The following CDYL2 variants were observed in gnomAD, a reference collection of about 807,000 sequenced individuals.
The protein encoded by CDYL2 is chromodomain Y like 2, also known as chromodomain Y-like protein 2.
In CDYL2, 23 loss-of-function variants were observed where a neutral mutation model predicts 49.4. The ratio of observed to expected loss-of-function variants is 0.47; its 90% CI spans 0.34 to 0.66. The LOEUF (loss-of-function observed/expected upper bound fraction) is 0.66, where lower values mean the gene tolerates loss of function less well. Ranked by LOEUF, CDYL2 falls within the 30% of genes least tolerant of loss-of-function variation. The pLI, the probability that CDYL2 is intolerant of heterozygous loss-of-function variation, is 0.01. For missense variants in CDYL2, 678 were observed against 656.4 expected (o/e 1.03, Z -0.36); for synonymous variants, 360 against 268.8 (o/e 1.34, Z -3.32).
rs780760548 is a variant in CDYL2 at position 80,612,579 on chromosome 16, G to A, written c.1218+47C>T. ...GAAGAGCCCCTAAACCCAAGGCAGA[G>A]GAAGGATCCTGCTGGGACCCGAATC... On this transcript the variant is annotated intron_variant, in intron 5 of 6. Coordinates refer to ENST00000570137, the MANE Select transcript of CDYL2 (RefSeq NM_152342.4). This position sits in a 1 kb window ranked among gnomAD's most constrained non-coding sequence, Gnocchi z 5.0. The A allele has an allele frequency of 2.6e-6, 4 of 1,536,790 alleles. No homozygotes were observed. Among genetic ancestry groups the A allele is most frequent in the South Asian group, 1.3e-5 (1 of 79,682 alleles).
In CDYL2 at chr16:80,629,135, TA is replaced by T. The variant is rs1373719663; in HGVS notation, c.834+3883del. Among the ~76,000 whole-genome samples the T allele has an allele frequency of 3.9e-5, 6 of 152,152 alleles. No homozygotes were observed. In the East Asian group the frequency reaches 1.2e-3, roughly 29 times the overall value. On this transcript the variant is annotated intron_variant, in intron 3 of 6. Coordinates refer to ENST00000570137, the MANE Select transcript of CDYL2 (RefSeq NM_152342.4). ...TGAGGGTTCTGACTGTCAGCCAGGGTAATCAGGAGCCATCGACACATTTGGT... is the reference window on the plus strand; with the variant it reads ...TGAGGGTTCTGACTGTCAGCCAGGGTATCAGGAGCCATCGACACATTTGGT...
chr16:80,617,914 C>T (rs767009208), intron 4 of CDYL2, among the ~76,000 whole-genome samples: 1 of 152,192 alleles, frequency 6.6e-6, no homozygotes, highest in Non-Finnish European at 1.5e-5. Flanking sequence ...CCAAGGACGA[C>T]TGACATCAAA....
At chr16:80,762,647 A>T (rs896938687) in intron 1 of CDYL2, among the ~76,000 whole-genome samples, 5 of 152,210 alleles carry the variant, frequency 3.3e-5, no homozygotes, top group Non-Finnish European at 5.9e-5. Flanking sequence ...TCTATAAAGT[A>T]TTTGTAACCC....
At chr16:80,661,913 T>C (rs1909060978) in intron 2 of CDYL2, among the ~76,000 whole-genome samples, 1 of 152,182 alleles carries the variant, frequency 6.6e-6, no homozygotes, top group South Asian at 2.1e-4. Flanking sequence ...GGACACCGCA[T>C]GCTTAACCCA....
intron 1 of CDYL2, among the ~76,000 whole-genome samples, chr16:80,758,923 T>C (rs1390098094): frequency 2.0e-5 from 3 of 151,754 alleles, no homozygotes. Context: ...ACAGTACCTC[T>C]GGGTTCTATA....
chr16:80,799,426 CATT>C (rs1382095748), intron 1 of CDYL2, among the ~76,000 whole-genome samples: 1 of 152,180 alleles, frequency 6.6e-6, no homozygotes, highest in East Asian at 1.9e-4. Flanking sequence ...ACGTGATCAT[CATT>C]GTTCCCCAAG....
chr16:80,641,051 AAC>A (rs1377519011), intron 2 of CDYL2, among the ~76,000 whole-genome samples: 1 of 152,210 alleles, frequency 6.6e-6, no homozygotes. Flanking sequence ...AAGGGATAAT[AAC>A]AGAGAACTTC....
At chr16:80,804,646 G>T (rs1212096848), upstream of CDYL2, among the ~76,000 whole-genome samples, 1 of 145,312 alleles carries the variant, frequency 6.9e-6, no homozygotes, top group African/African-American at 2.5e-5. Flanking sequence ...CCGGGGCGGG[G>T]AGGCGGGGGC....
Position 80,804,559 on chromosome 16 carries a change from C to CCGCCCGG in CDYL2, c.-393_-387dup, listed in dbSNP as rs2142430266. Among the ~76,000 whole-genome samples, 2 of 144,094 alleles carry CCGCCCGG rather than the reference C, an allele frequency of 1.4e-5. No individual in the cohort carries two copies. Among genetic ancestry groups the CCGCCCGG allele is most frequent in the South Asian group, 4.3e-4 (2 of 4,668 alleles). 94.5% of individuals were successfully genotyped at this position (144,094 alleles called of 152,430 possible). A position where few individuals can be genotyped will look rare whatever the true frequency, so the allele number is the denominator to read the frequency against. On this transcript the variant is annotated 5_prime_UTR_variant, in exon 1 of 7. Coordinates refer to ENST00000570137, the MANE Select transcript of CDYL2 (RefSeq NM_152342.4). ...TCGCCCCGGCGCCGCCTGCAGGAAG[C>CCGCCCGG]CGCCCGGCGCCCGCCGCCGGCCCGG...
chr16:80,658,776 A>G (rs779815732), intron 2 of CDYL2, among the ~76,000 whole-genome samples: 3 of 152,312 alleles, frequency 2.0e-5, no homozygotes, highest in Non-Finnish European at 4.4e-5. Flanking sequence ...CTAAATAACA[A>G]TCCCACTAAA....
At chr16:80,692,750 G>C (rs1362901679) in intron 1 of CDYL2, among the ~76,000 whole-genome samples, 3 of 152,150 alleles carry the variant, frequency 2.0e-5, no homozygotes, top group Admixed American at 6.5e-5. Context: ...ATAGGAAATG[G>C]TCAAACATGA....
rs1360729670 is a variant in CDYL2 at position 80,802,845 on chromosome 16, C to T, written c.24+1305G>A. The stretch of plus-strand genomic sequence containing the variant: ...GAGGAAAGAGCTTCTTAGGAATCAC[C>T]CCCTGCAGTCTGTCGTGGGTGGATC... On this transcript the variant is annotated intron_variant, in intron 1 of 6. Coordinates refer to ENST00000570137, the MANE Select transcript of CDYL2 (RefSeq NM_152342.4). 2.6e-5 allele frequency among the ~76,000 whole-genome samples: 4 copies of T among 152,214 alleles called. No individual in the cohort carries two copies. In the East Asian group the frequency reaches 7.7e-4, roughly 29 times the overall value.
intron 1 of CDYL2, among the ~76,000 whole-genome samples, chr16:80,756,617 C>T (rs1007002593): frequency 7.2e-5 from 11 of 151,880 alleles, no homozygotes; most frequent in South Asian, 4.2e-4. Flanking sequence ...ATGTTTCAGA[C>T]GACAGTAAAA....
intron 4 of CDYL2, among the ~76,000 whole-genome samples, chr16:80,613,679 T>C (rs1906703044): frequency 6.6e-6 from 1 of 152,238 alleles, no homozygotes; most frequent in African/African-American, 2.4e-5. Flanking sequence ...CTGTATTTCC[T>C]TTGCCTCAGA....
chr16:80,684,858 C>T lies in CDYL2; in HGVS notation c.296G>A (p.Ser99Asn). 6.2e-7 allele frequency: 1 copy of T among 1,614,188 alleles called. No individual in the cohort carries two copies. Among genetic ancestry groups the T allele is most frequent in the Admixed American group, 1.7e-5 (1 of 60,030 alleles). Reference sequence around the variant, plus strand: ...CTTCCGTTTATGGGAGGTCCCCTTGCTCTTTCCAGGATCTGAAGGTCTGTG... The same window carrying T: ...CTTCCGTTTATGGGAGGTCCCCTTGTTCTTTCCAGGATCTGAAGGTCTGTG... ...LSHRPSDPGK[S>N]KGTSHKRKRI... The change falls in exon 2 of 7, where the codon AGC (serine) becomes AAC (asparagine). Residue 99 changes from serine (S) to asparagine (N), a missense_variant. By Grantham distance (46) the Ser-to-Asn change is conservative (BLOSUM62 1). Coordinates refer to ENST00000570137, the MANE Select transcript of CDYL2 (RefSeq NM_152342.4).
intron 1 of CDYL2, chr16:80,735,156 GAA>G (rs2142544241): frequency 6.6e-6 from 1 of 152,292 alleles, no homozygotes; most frequent in Admixed American, 6.5e-5. Flanking sequence ...AATAATGGCA[GAA>G]AAAGAGATTC....
intron 2 of CDYL2, among the ~76,000 whole-genome samples, chr16:80,668,344 C>G (rs1360744486): frequency 6.6e-6 from 1 of 152,106 alleles, no homozygotes; most frequent in African/African-American, 2.4e-5. Flanking sequence ...AATAGACAGA[C>G]AGATGACAGA....
At chr16:80,782,162 A>T (rs1378344710) in intron 1 of CDYL2, among the ~76,000 whole-genome samples, 12 of 152,040 alleles carry the variant, frequency 7.9e-5, no homozygotes, top group Non-Finnish European at 1.6e-4. Context: ...TGAGAAATGA[A>T]AAAAGAGAAA....
At chr16:80,791,363 C>G (rs1907601696) in intron 1 of CDYL2, among the ~76,000 whole-genome samples, 1 of 152,200 alleles carries the variant, frequency 6.6e-6, no homozygotes, top group Admixed American at 6.5e-5. Flanking sequence ...TTTCATTAAA[C>G]AGATTGGTTT....
Sources: allele counts gnomAD v4.1 joint callset (sites outside exome capture counted in the v4.1 genomes callset), GRCh38; gene constraint gnomAD v4.1.1; non-coding constraint Gnocchi (gnomAD v3.1); transcripts MANE v1.5; gene names NCBI Gene and HGNC (gene_info 2026-07-23, HGNC 2026-07-21).